The following PLCG2 variants were observed in gnomAD, a reference collection of about 807,000 sequenced individuals.
The protein encoded by PLCG2 is phospholipase C gamma 2.
PLCG2 carries 69 observed loss-of-function variants against 175.6 expected under a neutral mutation model. The ratio of observed to expected loss-of-function variants is 0.39; its 90% CI spans 0.32 to 0.48. PLCG2 has a LOEUF of 0.48. Ranked by LOEUF, PLCG2 falls within the 20% of genes least tolerant of loss-of-function variation. The pLI, the probability that PLCG2 is intolerant of heterozygous loss-of-function variation, is 0.91. For missense variants in PLCG2, 1,798 were observed against 1,650.9 expected, an observed-to-expected ratio of 1.09 and a Z score of -1.54; for synonymous variants, 827 against 624.0, an observed-to-expected ratio of 1.33 and a Z score of -4.85.
At chr16:81,789,849 C>T (rs1003701710) in intron 2 of PLCG2, among the ~76,000 whole-genome samples, 1 of 151,530 alleles carries the variant, frequency 6.6e-6, no homozygotes, top group South Asian at 2.1e-4. Context: ...CCTTTGCCCC[C>T]CCTCCATTGC....
intron 2 of PLCG2, among the ~76,000 whole-genome samples, chr16:81,762,080 G>T (rs937071838): frequency 4.6e-5 from 7 of 151,784 alleles, no homozygotes; most frequent in Non-Finnish European, 1.0e-4. Flanking sequence ...GGTGACCTGT[G>T]TACCTCGTCC....
chr16:81,936,147 T>A, intron 26 of PLCG2, 22 bp from the exon 27 acceptor site: 2 of 1,613,026 alleles, frequency 1.2e-6, no homozygotes, highest in Non-Finnish European at 1.7e-6. Context: ...GAAGTACTGA[T>A]GACCTTTTTC....
chr16:81,764,924 C>CA (rs1322864218), intron 2 of PLCG2, among the ~76,000 whole-genome samples: 7 of 151,530 alleles, frequency 4.6e-5, no homozygotes, highest in Non-Finnish European at 8.8e-5. Flanking sequence ...CCTGTCTCTA[C>CA]AAAAAATATA....
At chr16:81,754,342 A>C (rs1443706684) in intron 1 of PLCG2, among the ~76,000 whole-genome samples, 13 of 9,812 alleles carry the variant, frequency 1.3e-3, no homozygotes, top group Non-Finnish European at 2.3e-3. Flanking sequence ...CTTCCCGCCC[A>C]TCCCCACCTC....
intron 2 of PLCG2, among the ~76,000 whole-genome samples, chr16:81,762,988 T>A (rs1394527231): frequency 6.6e-6 from 1 of 152,120 alleles, no homozygotes; most frequent in East Asian, 1.9e-4. Flanking sequence ...GCCCAGGAGT[T>A]AAAGGCTGCA....
chr16:81,860,176 T>TATTATTATTATTA (rs200511055), intron 5 of PLCG2, among the ~76,000 whole-genome samples: 180 of 139,088 alleles, frequency 1.3e-3, no homozygotes, highest in African/African-American at 4.9e-3. Context: ...ATTATTATTT[T>TATTATTATTATTA]TTTTTTTTTT....
chr16:81,841,562 G>GT (rs943543209), intron 2 of PLCG2, among the ~76,000 whole-genome samples: 6 of 152,050 alleles, frequency 3.9e-5, no homozygotes, highest in South Asian at 2.1e-4. Context: ...TTTTTGCAAA[G>GT]TTTTTTTTCA....
chr16:81,789,746 G>A (rs914873966), intron 2 of PLCG2, among the ~76,000 whole-genome samples: 31 of 151,844 alleles, frequency 2.0e-4, no homozygotes, highest in Non-Finnish European at 3.8e-4. Context: ...TCACACATAT[G>A]CCACTGGAGA....
rs150833842 is a variant in PLCG2 at position 81,912,673 on chromosome 16, A to G, written c.2011A>G (p.Ile671Val). ...GATTCCCCGGGACGGGGCCTTCCTG[A>G]TCCGGAAGCGAGAGGGGAGCGACTC... ...MRIPRDGAFL[I>V]RKREGSDSYA... Residue 671 changes from isoleucine (I) to valine (V), a missense_variant, in exon 19 of 33, where the codon ATC (isoleucine) becomes GTC (valine). Ile to Val is a conservative substitution (Grantham distance 29). Coordinates refer to ENST00000564138, the MANE Select transcript of PLCG2 (RefSeq NM_002661.5). 3.5e-3 allele frequency: 5,612 copies of G among 1,612,688 alleles called. 66 individuals are homozygous for G. Among genetic ancestry groups the G allele is most frequent in the South Asian group, 0.025 (2,249 of 90,654 alleles).
At chr16:81,750,689 A>ATTTTTTTTTTTTTT in intron 1 of PLCG2, among the ~76,000 whole-genome samples, 2 of 5,468 alleles carry the variant, frequency 3.7e-4, no homozygotes, top group African/African-American at 2.8e-4. Context: ...TTTTTTTGAG[A>ATTTTTTTTTTTTTT]TAGAGTCTCC....
intron 1 of PLCG2, among the ~76,000 whole-genome samples, chr16:81,784,588 G>A (rs1033194694): frequency 2.0e-5 from 3 of 152,190 alleles, no homozygotes; most frequent in Non-Finnish European, 4.4e-5. Context: ...GGCACCTCCA[G>A]GGACTTGGAG....
At chr16:81,910,759 C>A (rs200135337) in intron 18 of PLCG2, 39 bp downstream of exon 18, 1 of 1,569,122 alleles carries the variant, frequency 6.4e-7, no homozygotes, top group South Asian at 1.1e-5. Context: ...AGGCGGTGGT[C>A]GGGTTAGCTC....
rs537202840 is a variant in PLCG2, at chr16:81,791,050, A to G, written c.193+4868A>G. On this transcript the variant is annotated intron_variant, in intron 2 of 32. Coordinates refer to ENST00000564138, the MANE Select transcript of PLCG2 (RefSeq NM_002661.5). ...GGGTTTTGCTCTGAACCCTGTTTGG[A>G]TGGAATTTTCTCATTTGTTCAGCAC... is the stretch of plus-strand genomic sequence containing the variant. Among the ~76,000 whole-genome samples, 15 of 152,238 alleles carry G rather than the reference A, an allele frequency of 9.9e-5. No individual in the cohort carries two copies. The East Asian group carries it at 2.7e-3, about 28-fold the overall frequency.
chr16:81,910,832 C>T lies in PLCG2; in HGVS notation c.1934+112C>T, dbSNP rs1043894786. 1.9e-5 allele frequency: 19 copies of T among 974,580 alleles called. No individual in the cohort carries two copies. In the African/African-American group the frequency reaches 2.7e-4, roughly 14 times the overall value. 60.4% of individuals were successfully genotyped at this position (974,580 alleles called of 1,614,324 possible). A position where few individuals can be genotyped will look rare whatever the true frequency, so the allele number is the denominator to read the frequency against. The stretch of plus-strand genomic sequence containing the variant: ...CCAGTCCCCCAGGACACCCTCTCCC[C>T]AGCCCACCGGCATCTCAAAATTGCC... On this transcript the variant is annotated intron_variant, in intron 18 of 32. Transcript: ENST00000564138.
At chr16:81,829,355 C>T (rs566919442) in intron 2 of PLCG2, among the ~76,000 whole-genome samples, 10 of 152,132 alleles carry the variant, frequency 6.6e-5, no homozygotes, top group East Asian at 1.9e-4. Flanking sequence ...GTGATCTGCC[C>T]GCCTCGGCCT....
At chr16:81,861,281 T>C (rs1286628399) in intron 5 of PLCG2, among the ~76,000 whole-genome samples, 2 of 152,226 alleles carry the variant, frequency 1.3e-5, no homozygotes, top group Non-Finnish European at 2.9e-5. Flanking sequence ...TAATATCCAA[T>C]AACTAAACTC....
At chr16:81,742,591 G>A (rs1909619152) in intron 1 of PLCG2, among the ~76,000 whole-genome samples, 1 of 152,220 alleles carries the variant, frequency 6.6e-6, no homozygotes, top group Non-Finnish European at 1.5e-5. Flanking sequence ...GGTTTCAGGA[G>A]CGCTTAGTAT....
At chr16:81,778,025 AAAAAAAC>A (rs1250602021), upstream of PLCG2, among the ~76,000 whole-genome samples, 14 of 60,608 alleles carry the variant, frequency 2.3e-4, no homozygotes, top group African/African-American at 5.0e-4. Flanking sequence ...TCAAAAAAAA[AAAAAAAC>A]AAAAAAAAAA....
chr16:81,866,195 G>T (rs1296893657), intron 5 of PLCG2, among the ~76,000 whole-genome samples: 5 of 110,794 alleles, frequency 4.5e-5, no homozygotes, highest in African/African-American at 1.5e-4. Flanking sequence ...CCCAGGATGA[G>T]CTCCACTGGG....
Sources: gnomAD v4.1 joint callset for allele counts (sites outside exome capture counted in the v4.1 genomes callset) on GRCh38, gnomAD v4.1.1 for gene constraint, MANE v1.5 for transcripts, NCBI Gene and HGNC (gene_info 2026-07-23, HGNC 2026-07-21) for gene names.